The following ELP4 variants were observed in gnomAD, a reference collection of about 807,000 sequenced individuals.
ELP4 encodes elongator acetyltransferase complex subunit 4.
ELP4 carries 51 observed loss-of-function variants against 48.9 expected under a neutral mutation model. That is an observed-to-expected ratio of 1.04 (90% CI 0.83 to 1.32). The LOEUF is 1.32. ELP4 is among the 40% of genes most tolerant of loss of function. The pLI is 0.00. For synonymous variants in ELP4, 210 were observed against 189.2 expected, an observed-to-expected ratio of 1.11 and a Z score of -0.90; for missense variants, 519 against 514.6, an observed-to-expected ratio of 1.01 and a Z score of -0.08.
At chr11:31,763,552 A>G (rs746522608) in intron 9 of ELP4, 11 of 1,591,538 alleles carry the variant, frequency 6.9e-6, no homozygotes, top group Non-Finnish European at 7.7e-6. Flanking sequence ...TGCAAAGGGT[A>G]TGGGCTTTCC....
At chr11:31,703,763 C>G (rs116569666) in intron 9 of ELP4, among the ~76,000 whole-genome samples, 1,668 of 152,138 alleles carry the variant, frequency 0.011, 29 homozygotes, top group African/African-American at 0.039. Context: ...CAAAGTGTTT[C>G]CTGATTGAAA....
intron 1 of ELP4, chr11:31,512,023 T>C (rs1956019427): frequency 6.6e-6 from 1 of 152,212 alleles, no homozygotes; most frequent in African/African-American, 2.4e-5. Flanking sequence ...ATTGACTACA[T>C]CTTGAAAAAT....
intron 3 of ELP4, among the ~76,000 whole-genome samples, chr11:31,555,178 A>G (rs957696701): frequency 6.6e-6 from 1 of 152,130 alleles, no homozygotes; most frequent in Non-Finnish European, 1.5e-5. Context: ...ATGAATGACT[A>G]TATGTGCTAT....
At chr11:31,517,756 A>G (rs1956142881) in intron 1 of ELP4, among the ~76,000 whole-genome samples, 1 of 151,830 alleles carries the variant, frequency 6.6e-6, no homozygotes, top group Non-Finnish European at 1.5e-5. Flanking sequence ...AGCTGGGACT[A>G]CAGGCGGCAG....
At chr11:31,531,653 G>A (rs1956398154) in intron 2 of ELP4, among the ~76,000 whole-genome samples, 1 of 152,210 alleles carries the variant, frequency 6.6e-6, no homozygotes, top group South Asian at 2.1e-4. Context: ...AAGGGGGAAT[G>A]TATTGGGAAA....
chr11:31,704,542 C>T (rs904660706), intron 9 of ELP4, among the ~76,000 whole-genome samples: 4 of 151,696 alleles, frequency 2.6e-5, no homozygotes, highest in Admixed American at 6.6e-5. Flanking sequence ...ATGTAAATGA[C>T]GAGTTAATGG....
intron 3 of ELP4, among the ~76,000 whole-genome samples, chr11:31,560,139 G>A (rs949530974): frequency 3.3e-5 from 5 of 152,092 alleles, no homozygotes; most frequent in Non-Finnish European, 7.4e-5. Context: ...GTGTGTTCCT[G>A]TGCTAGGAAT....
intron 9 of ELP4, among the ~76,000 whole-genome samples, chr11:31,678,831 A>G (rs968301051): frequency 6.6e-6 from 1 of 152,196 alleles, no homozygotes; most frequent in African/African-American, 2.4e-5. Context: ...AGAAACTGGC[A>G]AACTGACTTC....
Position 31,788,234 on chromosome 11 carries a change from A to G in ELP4, c.*4710A>G, listed in dbSNP as rs1486334688. 8.8e-6 allele frequency: 2 copies of G among 226,962 alleles called. No individual in the cohort carries two copies. Among genetic ancestry groups the G allele is most frequent in the Non-Finnish European group, 1.8e-5 (2 of 114,104 alleles). 14.1% of individuals were successfully genotyped at this position (226,962 alleles called of 1,614,324 possible). ...ATGGGCCCTGCTTCATAGATTTGGG[A>G]ATGTTTGGCTTAAGCTGCCAATGAC... On this transcript the variant is annotated 3_prime_UTR_variant, in exon 10 of 10. Coordinates refer to ENST00000640961, the MANE Select transcript of ELP4 (RefSeq NM_019040.5).
chr11:31,715,693 G>GT (rs995754973), intron 9 of ELP4, among the ~76,000 whole-genome samples: 4 of 152,150 alleles, frequency 2.6e-5, no homozygotes, highest in Non-Finnish European at 4.4e-5. Flanking sequence ...ATGAATTCTG[G>GT]TGTCAGACAG....
chr11:31,545,505 TGA>T (rs1956687199), intron 3 of ELP4, among the ~76,000 whole-genome samples: 1 of 151,590 alleles, frequency 6.6e-6, no homozygotes, highest in South Asian at 2.1e-4. Context: ...AATCTACGTC[TGA>T]TTGGTGTACC....
chr11:31,639,534 T>C (rs1271127677), intron 7 of ELP4, among the ~76,000 whole-genome samples: 1 of 151,918 alleles, frequency 6.6e-6, no homozygotes, highest in Non-Finnish European at 1.5e-5. Flanking sequence ...CTTGTGTGCG[T>C]TATACGTATA....
Position 31,789,933 on chromosome 11 carries a change from T to TAG in ELP4, c.*6409_*6410insAG. The TAG allele has an allele frequency of 3.2e-6, 5 of 1,557,038 alleles. No homozygotes were observed. The highest frequency in any genetic ancestry group is 1.4e-5 in the African/African-American group (1 of 70,938). ...TTTCCTTTTTTTTTTTTTTTTTTTT[T>TAG]TTACTGTAATCTTGGCCAGTATTGA... On this transcript the variant is annotated 3_prime_UTR_variant, in exon 10 of 10. Transcript: ENST00000640961.
At chr11:31,610,661 A>G (rs1004871503) in intron 5 of ELP4, among the ~76,000 whole-genome samples, 2 of 152,108 alleles carry the variant, frequency 1.3e-5, no homozygotes, top group Non-Finnish European at 2.9e-5. Context: ...CCTCATTTTG[A>G]CCAATGGAGA....
chr11:31,694,969 G>A (rs1297893761), intron 9 of ELP4, among the ~76,000 whole-genome samples: 6 of 152,060 alleles, frequency 3.9e-5, no homozygotes, highest in Admixed American at 3.9e-4. Flanking sequence ...TCTGTTATTG[G>A]TGTATAAGAA....
chr11:31,607,921 A>G (rs1016921536), intron 5 of ELP4, among the ~76,000 whole-genome samples: 4 of 152,182 alleles, frequency 2.6e-5, no homozygotes, highest in African/African-American at 7.2e-5. Context: ...TTCCTCATCT[A>G]GGAAGATGTG....
chr11:31,626,713 G>C (rs1433869973), intron 5 of ELP4, among the ~76,000 whole-genome samples: 4 of 151,834 alleles, frequency 2.6e-5, no homozygotes, highest in Non-Finnish European at 5.9e-5. Context: ...TCAGGACATG[G>C]ATTCAGGTGT....
intron 3 of ELP4, among the ~76,000 whole-genome samples, chr11:31,571,876 T>C (rs1308230815): frequency 1.3e-5 from 2 of 152,214 alleles, no homozygotes; most frequent in African/African-American, 2.4e-5. Context: ...TGTTTACAGA[T>C]GTGCTATCAT....
intron 9 of ELP4, among the ~76,000 whole-genome samples, chr11:31,683,950 G>A (rs1190227236): frequency 6.6e-6 from 1 of 152,098 alleles, no homozygotes; most frequent in Non-Finnish European, 1.5e-5. Context: ...ATATCAACAT[G>A]GTTTTGGTTA....
Sources: allele counts gnomAD v4.1 joint callset (sites outside exome capture counted in the v4.1 genomes callset), GRCh38; gene constraint gnomAD v4.1.1; transcripts MANE v1.5; gene names NCBI Gene and HGNC (gene_info 2026-07-23, HGNC 2026-07-21).